TRPV3: variants seen among roughly 807,000 people sequenced by gnomAD.
The protein encoded by TRPV3 is VRL-3.
Under a neutral mutation model 87.1 loss-of-function variants are expected in TRPV3, and 88 were observed. The observed-to-expected ratio is 1.01, with a 90% CI of 0.85 to 1.21. TRPV3 has a LOEUF of 1.21. Ranked by LOEUF, TRPV3 falls within the 50% of genes most tolerant of loss-of-function variation. The pLI is 0.00. For synonymous variants in TRPV3, 438 were observed against 423.3 expected (o/e 1.03, Z -0.43); for missense variants, 1,054 against 1,030.1 (o/e 1.02, Z -0.32).
At chr17:3,550,340 C>T (rs2074562172) in intron 2 of TRPV3, among the ~76,000 whole-genome samples, 2 of 151,992 alleles carry the variant, frequency 1.3e-5, no homozygotes, top group Admixed American at 6.6e-5. Context: ...CAAAGATGGT[C>T]CAGAAAGCCA....
intron 13 of TRPV3, among the ~76,000 whole-genome samples, chr17:3,521,347 CAGCTCAGAAGAGCT>C (rs1449380528): frequency 6.6e-6 from 1 of 152,178 alleles, no homozygotes; most frequent in Non-Finnish European, 1.5e-5. Context: ...ATGCTGGAGC[CAGCTCAGAAGAGCT>C]CGCAAGAGCT....
chr17:3,520,658 A>G (rs111854815), intron 14 of TRPV3, among the ~76,000 whole-genome samples: 1,728 of 152,258 alleles, frequency 0.011, 33 homozygotes, highest in African/African-American at 0.04. Context: ...AGTTGTTGAG[A>G]GAAGTAAAAA....
intron 13 of TRPV3, 135 bp downstream of exon 13, chr17:3,524,063 G>GC: frequency 1.7e-6 from 2 of 1,171,144 alleles, no homozygotes; most frequent in Non-Finnish European, 1.2e-6. Flanking sequence ...AAAGCAAAGG[G>GC]AGTGCATGGC....
At position 3,534,644 on chromosome 17, in the gene TRPV3, T is replaced by A. The variant is rs891979812; in HGVS notation, c.784+929A>T. On this transcript the variant is annotated intron_variant, in intron 7 of 17. Transcript: ENST00000576742. ...ACTATATCTAAATTATGCATTTCAA[T>A]TTTTTTTTTTTTTCCTAGAGCATCC... Among the ~76,000 whole-genome samples the A allele has an allele frequency of 4.6e-3, 257 of 56,356 alleles. 1 individual carries two copies. The highest frequency in any genetic ancestry group is 0.012 in the African/African-American group (239 of 19,146). The allele number at this position is 56,356 out of a possible 152,430, so 37.0% of individuals were successfully genotyped here. A position where few individuals can be genotyped will look rare whatever the true frequency, so the allele number is the denominator to read the frequency against.
At chr17:3,532,586 G>A (rs1184401708) in intron 8 of TRPV3, 71 bp downstream of exon 8, 42 of 1,559,076 alleles carry the variant, frequency 2.7e-5, no homozygotes, top group East Asian at 4.5e-5. Context: ...TAAGGCCCCC[G>A]GGGCTGAGAG....
rs1363629856 is a variant in TRPV3, at chr17:3,511,082, C to T, written c.*2835G>A. The T allele has an allele frequency of 6.6e-6, 1 of 152,192 alleles. No homozygotes were observed. Among genetic ancestry groups the T allele is most frequent in the Admixed American group, 6.5e-5 (1 of 15,272 alleles). 9.4% of individuals were successfully genotyped at this position (152,192 alleles called of 1,614,324 possible). A position where few individuals can be genotyped will look rare whatever the true frequency, so the allele number is the denominator to read the frequency against. ...GACCCCATCCCTGGAAAACACCTTC[C>T]CCTGAAATTACTGAAATGTCAATCA... On this transcript the variant is annotated 3_prime_UTR_variant, in exon 18 of 18. Transcript: ENST00000576742.
intron 14 of TRPV3, among the ~76,000 whole-genome samples, chr17:3,519,589 A>T (rs1335793973): frequency 2.1e-5 from 1 of 48,646 alleles, no homozygotes; most frequent in South Asian, 9.7e-4. Context: ...TAAATGGATG[A>T]ATGGATGGAT....
Position 3,543,560 on chromosome 17 carries a change from A to G in TRPV3, c.380T>C (p.Val127Ala), listed in dbSNP as rs781225444. 36 of 1,613,948 alleles carry G rather than the reference A, an allele frequency of 2.2e-5. No individual in the cohort carries two copies. The highest frequency in any genetic ancestry group is 1.3e-5 in the African/African-American group (1 of 74,906). The change falls in exon 5 of 18, where the codon GTG becomes GCG. Residue 127 changes from valine to alanine, a missense_variant. By Grantham distance (64) the Val-to-Ala change is moderately conservative. Coordinates refer to ENST00000576742, the MANE Select transcript of TRPV3 (RefSeq NM_145068.4). ...RRLKKRIFAA[V>A]SEGCVEELVE... is the part of the protein sequence containing the mutation. ...CAACTCCTCCACGCAGCCCTCAGAC[A>G]CGGCTGCAAAGATGCGCTTCTTCAG...
At chr17:3,517,212 C>G (rs2074190727) in intron 15 of TRPV3, among the ~76,000 whole-genome samples, 1 of 152,056 alleles carries the variant, frequency 6.6e-6, no homozygotes, top group Admixed American at 6.6e-5. Context: ...AATCCCATAG[C>G]AGAGGACCGT....
intron 2 of TRPV3, chr17:3,546,757 C>T (rs2074529877): frequency 6.8e-6 from 3 of 442,850 alleles, no homozygotes; most frequent in Non-Finnish European, 1.4e-5. Context: ...GTGGGCAGAT[C>T]AGTTGAGGTC....
intron 7 of TRPV3, among the ~76,000 whole-genome samples, chr17:3,534,482 C>A (rs982658832): frequency 6.6e-6 from 1 of 152,090 alleles, no homozygotes; most frequent in African/African-American, 2.4e-5. Flanking sequence ...GGAGGGGTCT[C>A]CTCTGCAACA....
rs9898505 is a variant in TRPV3 at position 3,550,285 on chromosome 17, A to G, written c.119+4447T>C. Among the ~76,000 whole-genome samples the G allele has an allele frequency of 4.9e-3, 745 of 151,880 alleles. 2 individuals carry two copies. Among genetic ancestry groups the G allele is most frequent in the African/African-American group, 0.017 (709 of 41,396 alleles). On this transcript the variant is annotated intron_variant, in intron 2 of 17. Coordinates refer to ENST00000576742, the MANE Select transcript of TRPV3 (RefSeq NM_145068.4). ...AGGAGCAGCCCTTTGTCTCTGCCCT[A>G]CCTCCCTACCTACTCAAGGCCTTCT...
intron 2 of TRPV3, among the ~76,000 whole-genome samples, chr17:3,549,917 A>T (rs2074558296): frequency 6.7e-6 from 1 of 148,322 alleles, no homozygotes; most frequent in Non-Finnish European, 1.5e-5. Context: ...AGATGAGTGG[A>T]TGGTTGATGG....
chr17:3,522,943 A>G (rs753786395), intron 13 of TRPV3, among the ~76,000 whole-genome samples: 2 of 152,206 alleles, frequency 1.3e-5, no homozygotes, highest in Non-Finnish European at 2.9e-5. Flanking sequence ...AGGAAAAAAC[A>G]TAGCATATTA....
chr17:3,529,994 C>T (rs1199220155), intron 9 of TRPV3, 33 bp downstream of exon 9: 1 of 1,593,634 alleles, frequency 6.3e-7, no homozygotes, highest in Non-Finnish European at 8.6e-7. Flanking sequence ...GCCCTCTTCT[C>T]CCTGCCCTTC....
At chr17:3,526,699 G>A (rs1039354736) in intron 12 of TRPV3, among the ~76,000 whole-genome samples, 155 bp downstream of exon 12, 3 of 152,138 alleles carry the variant, frequency 2.0e-5, no homozygotes, top group African/African-American at 7.2e-5. Context: ...CTCCTACTAG[G>A]AGGAAGAGAG....
In TRPV3 at chr17:3,532,410, A is replaced by C. The variant is rs12603385; in HGVS notation, c.1065+247T>G. Among the ~76,000 whole-genome samples, 66 of 152,344 alleles carry C rather than the reference A, an allele frequency of 4.3e-4. No individual in the cohort carries two copies. In the East Asian group the frequency reaches 9.3e-3, roughly 21 times the overall value. On this transcript the variant is annotated intron_variant, in intron 8 of 17. Coordinates refer to ENST00000576742, the MANE Select transcript of TRPV3 (RefSeq NM_145068.4). ...CAGCCTAGCCCTCCCAGGACAAGAG[A>C]TGGAAACGCGGCGTATTAGGGACTG...
chr17:3,543,126 C>T (rs570075131), intron 5 of TRPV3, among the ~76,000 whole-genome samples: 2 of 152,050 alleles, frequency 1.3e-5, no homozygotes, highest in African/African-American at 4.8e-5. Flanking sequence ...CATGCTGGAC[C>T]CCCCGTCCCT....
Position 3,557,282 on chromosome 17 carries a change from C to T in TRPV3, c.-3+394G>A, listed in dbSNP as rs1048337774. On this transcript the variant is annotated intron_variant, in intron 1 of 17. Coordinates refer to ENST00000576742, the MANE Select transcript of TRPV3 (RefSeq NM_145068.4). The surrounding 1 kb of genome is among the most constrained non-coding windows in gnomAD (Gnocchi z 4.5). ...ATGCCTGGGCCCCGTCTGTCTCCCA[C>T]GGTGGGGCCACCTCCTCCCATCCTG... Among the ~76,000 whole-genome samples, 2 of 152,134 alleles carry T rather than the reference C, an allele frequency of 1.3e-5. No individual in the cohort carries two copies. Among genetic ancestry groups the T allele is most frequent in the African/African-American group, 2.4e-5 (1 of 41,434 alleles).
Sources: gnomAD v4.1 joint callset for allele counts (sites outside exome capture counted in the v4.1 genomes callset) on GRCh38, gnomAD v4.1.1 for gene constraint, Gnocchi (gnomAD v3.1) non-coding constraint, MANE v1.5 for transcripts, NCBI Gene and HGNC (gene_info 2026-07-23, HGNC 2026-07-21) for gene names.